Variants in RETREG3 observed in about 807,000 individuals in gnomAD.
RETREG3 encodes reticulophagy regulator family member 3.
RETREG3 carries 23 observed loss-of-function variants against 50.2 expected under a neutral mutation model. The observed-to-expected ratio is 0.46, with a 90% confidence interval of 0.33 to 0.65. The LOEUF is 0.65. RETREG3 is among the 30% of genes least tolerant of loss of function. RETREG3 has a pLI of 0.02. For synonymous variants in RETREG3, 240 were observed against 234.4 expected, an observed-to-expected ratio of 1.02 and a Z score of -0.22; for missense variants, 546 against 598.0, an observed-to-expected ratio of 0.91 and a Z score of 0.91.
intron 6 of RETREG3, among the ~76,000 whole-genome samples, chr17:42,584,416 G>A (rs1283174300): frequency 3.3e-5 from 5 of 152,104 alleles, no homozygotes; most frequent in African/African-American, 1.2e-4. Flanking sequence ...GTGTTGCATG[G>A]ATCTCAGGCT....
intron 2 of RETREG3, among the ~76,000 whole-genome samples, chr17:42,588,753 G>A (rs947500768): frequency 6.6e-6 from 1 of 151,994 alleles, no homozygotes; most frequent in Non-Finnish European, 1.5e-5. Context: ...CACCTCTGGT[G>A]TTCAAGCAAT....
intron 8 of RETREG3, 52 bp from the exon 9 acceptor site, chr17:42,582,322 G>T: frequency 6.6e-7 from 1 of 1,523,632 alleles, no homozygotes; most frequent in Non-Finnish European, 8.8e-7. Context: ...GCCCTCCTGT[G>T]CCCCAGCCCC....
At chr17:42,586,997 G>T in intron 3 of RETREG3, 106 bp from the exon 4 acceptor site, 1 of 1,461,868 alleles carries the variant, frequency 6.8e-7, no homozygotes, top group Non-Finnish European at 9.3e-7. Flanking sequence ...TTTGGGGAGT[G>T]ACTAGGCCCA....
In RETREG3 at chr17:42,581,864, C is replaced by T. The variant is rs546107864; in HGVS notation, c.1350G>A (p.Leu450=). Residue 450 remains leucine, a synonymous_variant, in exon 9 of 9, where the codon CTG becomes CTA. Coordinates refer to ENST00000309428, the MANE Select transcript of RETREG3 (RefSeq NM_178126.4). ...TDAEGDDFEL[L]DQSELSQLDP... ...CCAGCTGACTCAGCTCCGACTGGTC[C>T]AGAAGTTCAAAGTCATCCCCCTCAG... 2 of 1,612,072 alleles carry T rather than the reference C, an allele frequency of 1.2e-6. No homozygotes were observed. The highest frequency in any genetic ancestry group is 1.3e-5 in the African/African-American group (1 of 75,006).
At chr17:42,599,515 G>A (rs973240263) in intron 1 of RETREG3, among the ~76,000 whole-genome samples, 4 of 152,030 alleles carry the variant, frequency 2.6e-5, no homozygotes, top group Admixed American at 1.3e-4. Flanking sequence ...TTAGCCGGGC[G>A]TGGTGGTGTA....
At position 42,587,862 on chromosome 17, in the gene RETREG3, G is replaced by A. The variant is rs1329198475; in HGVS notation, c.349C>T (p.Pro117Ser). The A allele has an allele frequency of 4.3e-6, 7 of 1,613,978 alleles. No individual in the cohort carries two copies. The East Asian group carries it at 1.1e-4, about 26-fold the overall frequency. ...KNKIWPEIKV[P>S]RPDALDNESW... ...TCATTGTCTAATGCGTCGGGTCTTG[G>A]CACTACAATATTAAAACAAACACCA... The change falls in exon 3 of 9, where the codon CCA (proline) becomes TCA (serine). Residue 117 changes from proline (P) to serine (S), a missense_variant and splice_region_variant. Transcript: ENST00000309428.
chr17:42,598,370 T>G (rs2093152268), intron 1 of RETREG3, among the ~76,000 whole-genome samples: 1 of 152,164 alleles, frequency 6.6e-6, no homozygotes, highest in Non-Finnish European at 1.5e-5. Context: ...AATCTTGTTA[T>G]GGAAGATGCT....
intron 1 of RETREG3, chr17:42,605,360 GA>G (rs2093166001): frequency 6.6e-6 from 1 of 151,996 alleles, no homozygotes; most frequent in Non-Finnish European, 1.5e-5. Flanking sequence ...CAATAAAAGA[GA>G]AACTAAATAT....
rs1160381250 is a variant in RETREG3, at chr17:42,585,114, A to G, written c.727+11T>C. ...TTGCGTAAGTGGAAAGAATGACACC[A>G]TGACACTTACATTGTCTCTCTCTCT... On this transcript the variant is annotated intron_variant, in intron 6 of 8. Transcript: ENST00000309428. 16 of 1,612,082 alleles carry G rather than the reference A, an allele frequency of 9.9e-6. No individual in the cohort carries two copies. The highest frequency in any genetic ancestry group is 1.2e-5 in the Non-Finnish European group (14 of 1,179,832).
chr17:42,582,410 T>A, intron 8 of RETREG3, 140 bp from the exon 9 acceptor site: 1 of 877,966 alleles, frequency 1.1e-6, no homozygotes, highest in Admixed American at 2.8e-5. Context: ...TCCCCTCCAC[T>A]TATAGGTGGC....
At position 42,583,553 on chromosome 17, in the gene RETREG3, C is replaced by G. The variant is rs138481678; in HGVS notation, c.755G>C (p.Arg252Pro). 1.2e-6 allele frequency: 2 copies of G among 1,613,770 alleles called. No homozygotes were observed. The highest frequency in any genetic ancestry group is 1.7e-6 in the Non-Finnish European group (2 of 1,179,776). ...QLRRRALHPE[R>P]AMDNHSDSEE... is the part of the protein sequence containing the mutation. ...GCTGTCACTGTGGTTGTCCATGGCTCGTTCTGGGTGGAGAGCTCTGCGGCG... is the reference window on the plus strand; with the variant it reads ...GCTGTCACTGTGGTTGTCCATGGCTGGTTCTGGGTGGAGAGCTCTGCGGCG... The change falls in exon 7 of 9, where the codon CGA becomes CCA. Residue 252 changes from arginine (R) to proline (P), a missense_variant. Coordinates refer to ENST00000309428, the MANE Select transcript of RETREG3 (RefSeq NM_178126.4).
At chr17:42,589,810 T>C (rs1252596597) in intron 2 of RETREG3, among the ~76,000 whole-genome samples, 2 of 152,336 alleles carry the variant, frequency 1.3e-5, no homozygotes, top group East Asian at 3.9e-4. Flanking sequence ...GAGGCCTCTC[T>C]GACTACTTCT....
rs1360497897 is a variant in RETREG3, at chr17:42,581,656, G to A, written c.*157C>T. 4 of 622,578 alleles carry A rather than the reference G, an allele frequency of 6.4e-6. No individual in the cohort carries two copies. Among genetic ancestry groups the A allele is most frequent in the Non-Finnish European group, 1.1e-5 (4 of 374,234 alleles). 38.6% of individuals were successfully genotyped at this position (622,578 alleles called of 1,614,324 possible). On this transcript the variant is annotated 3_prime_UTR_variant, in exon 9 of 9. Transcript: ENST00000309428. ...TCCAGCTGGTGGGAGGGGAGTGAGT[G>A]TCCTCTCTAAGGAGGCCTCTGAGCA...
chr17:42,608,264 G>A (rs1334474613), intron 1 of RETREG3, among the ~76,000 whole-genome samples: 1 of 152,150 alleles, frequency 6.6e-6, no homozygotes, highest in Admixed American at 6.5e-5. Flanking sequence ...TGAAGTCCTA[G>A]GTCCACTTCA....
intron 4 of RETREG3, 100 bp downstream of exon 4, chr17:42,586,665 T>C: frequency 6.7e-7 from 1 of 1,481,836 alleles, no homozygotes. Flanking sequence ...TCATAGTCTT[T>C]ACTTTCTTGA....
At chr17:42,593,266 G>T (rs890223640) in intron 1 of RETREG3, among the ~76,000 whole-genome samples, 11 of 152,026 alleles carry the variant, frequency 7.2e-5, no homozygotes, top group Admixed American at 6.6e-5. Flanking sequence ...CTGCAAGGGC[G>T]GTTTAACATA....
chr17:42,587,153 A>C (rs189845892), intron 3 of RETREG3, among the ~76,000 whole-genome samples: 6,758 of 152,236 alleles, frequency 0.044, 509 homozygotes, highest in African/African-American at 0.16. Flanking sequence ...CCCCAGCTCC[A>C]AGGCCCTTTG....
intron 4 of RETREG3, 76 bp downstream of exon 4, chr17:42,586,689 G>A: frequency 6.5e-7 from 1 of 1,548,554 alleles, no homozygotes. Context: ...AAGACACATA[G>A]TAAAGGAGCT....
At chr17:42,591,435 G>C (rs1318799142) in intron 2 of RETREG3, among the ~76,000 whole-genome samples, 3 of 151,618 alleles carry the variant, frequency 2.0e-5, no homozygotes, top group Admixed American at 6.6e-5. Flanking sequence ...CCGCCTCCCA[G>C]GTTCAAGTGA....
Sources: allele counts gnomAD v4.1 joint callset (sites outside exome capture counted in the v4.1 genomes callset), GRCh38; gene constraint gnomAD v4.1.1; transcripts MANE v1.5; gene names NCBI Gene and HGNC (gene_info 2026-07-23, HGNC 2026-07-21).